ERC2: variants seen among roughly 807,000 people sequenced by gnomAD.
ERC2 encodes the protein ERC protein 2.
Under a neutral mutation model 114.8 loss-of-function variants are expected in ERC2, and 42 were observed. The observed-to-expected ratio is 0.37, with a 90% CI of 0.29 to 0.47. The LOEUF is 0.47. Among genes scored for constraint, ERC2 ranks in the 20% least tolerant of loss-of-function variants. The pLI, the probability that ERC2 is intolerant of heterozygous loss-of-function variation, is 0.99. For synonymous variants in ERC2, 454 were observed against 425.5 expected (o/e 1.07, Z -0.82); for missense variants, 939 against 1,150.7 (o/e 0.82, Z 2.66).
At chr3:55,673,811 T>G (rs1422224030) in intron 17 of ERC2, among the ~76,000 whole-genome samples, 1 of 150,480 alleles carries the variant, frequency 6.6e-6, no homozygotes, top group East Asian at 2.0e-4. Context: ...CAAGTTTTTT[T>G]TTTTTTTTTT....
At chr3:56,042,564 A>C (rs2075249713) in intron 7 of ERC2, among the ~76,000 whole-genome samples, 2 of 152,190 alleles carry the variant, frequency 1.3e-5, no homozygotes, top group Admixed American at 1.3e-4. Flanking sequence ...GAGATACTGC[A>C]CTATACAAGC....
At chr3:55,566,374 CAA>C (rs1164977925) in intron 17 of ERC2, among the ~76,000 whole-genome samples, 3 of 152,050 alleles carry the variant, frequency 2.0e-5, no homozygotes, top group Non-Finnish European at 4.4e-5. Context: ...AGTAATTATT[CAA>C]TGAATGCTTG....
At chr3:55,824,742 A>G (rs2060262277) in intron 14 of ERC2, among the ~76,000 whole-genome samples, 1 of 152,132 alleles carries the variant, frequency 6.6e-6, no homozygotes, top group Non-Finnish European at 1.5e-5. Flanking sequence ...GGGGCCCTGC[A>G]TTTTTAATAA....
chr3:56,285,026 CACACAT>C (rs878878880), intron 3 of ERC2, among the ~76,000 whole-genome samples: 103 of 111,480 alleles, frequency 9.2e-4, no homozygotes, highest in African/African-American at 2.7e-3. Flanking sequence ...CACACACACA[CACACAT>C]ACACACACAC....
chr3:55,963,492 A>C (rs1033639323), intron 12 of ERC2, among the ~76,000 whole-genome samples: 8 of 152,216 alleles, frequency 5.3e-5, no homozygotes, highest in Non-Finnish European at 8.8e-5. Flanking sequence ...CTGAGGACAG[A>C]GCTTCAGGAC....
intron 1 of ERC2, among the ~76,000 whole-genome samples, chr3:56,455,253 T>TA (rs1559525728): frequency 2.7e-5 from 4 of 150,616 alleles, no homozygotes; most frequent in East Asian, 1.9e-4. Context: ...AAAATAAATT[T>TA]AAAAAAAAGA....
chr3:56,146,146 GGC>G (rs765623318), intron 5 of ERC2, among the ~76,000 whole-genome samples: 1 of 152,010 alleles, frequency 6.6e-6, no homozygotes, highest in Non-Finnish European at 1.5e-5. Context: ...AAAAATAGCT[GGC>G]ATGGTGGTGT....
At chr3:55,928,079 A>C (rs1164458304) in intron 13 of ERC2, among the ~76,000 whole-genome samples, 3 of 152,142 alleles carry the variant, frequency 2.0e-5, no homozygotes, top group African/African-American at 7.2e-5. Flanking sequence ...AGTAGTGTAG[A>C]TATCTCTTTG....
At chr3:56,254,854 A>G (rs187003746) in intron 3 of ERC2, among the ~76,000 whole-genome samples, 79 of 152,356 alleles carry the variant, frequency 5.2e-4, no homozygotes, top group African/African-American at 1.6e-3. Context: ...AAAGAACATT[A>G]TATCTAACAC....
At chr3:56,311,247 CTCTCTCTCTA>C (rs1452988277) in intron 2 of ERC2, among the ~76,000 whole-genome samples, 7 of 34,720 alleles carry the variant, frequency 2.0e-4, no homozygotes, top group Admixed American at 1.2e-3. Flanking sequence ...CTCTCTCTCT[CTCTCTCTCTA>C]TATATATATA....
chr3:56,104,007 G>A (rs1019513114), intron 6 of ERC2, among the ~76,000 whole-genome samples: 4 of 152,206 alleles, frequency 2.6e-5, no homozygotes, highest in Non-Finnish European at 5.9e-5. Context: ...TAAACAACCA[G>A]TGAATATTTG....
At chr3:56,279,311 C>T (rs1334010318) in intron 3 of ERC2, among the ~76,000 whole-genome samples, 4 of 152,134 alleles carry the variant, frequency 2.6e-5, no homozygotes, top group African/African-American at 9.7e-5. Flanking sequence ...GTGGGAAAGG[C>T]AGTCAAGTAA....
At chr3:55,952,179 A>ATATATATATATATATAT (rs2067608452) in intron 12 of ERC2, among the ~76,000 whole-genome samples, 1 of 62,110 alleles carries the variant, frequency 1.6e-5, no homozygotes, top group East Asian at 4.2e-4. Flanking sequence ...ACACACACAC[A>ATATATATATATATATAT]CTCTCTCTCT....
At chr3:55,649,106 C>G (rs1260775535) in intron 17 of ERC2, among the ~76,000 whole-genome samples, 1 of 152,132 alleles carries the variant, frequency 6.6e-6, no homozygotes, top group Non-Finnish European at 1.5e-5. Context: ...CCCAAACATT[C>G]CAGAGACACC....
At chr3:55,576,758 G>A (rs2057003952) in intron 17 of ERC2, among the ~76,000 whole-genome samples, 1 of 152,222 alleles carries the variant, frequency 6.6e-6, no homozygotes. Context: ...CTCGTGCCTA[G>A]CCCCTCAGCT....
At chr3:56,248,972 C>T (rs2051917777) in intron 3 of ERC2, among the ~76,000 whole-genome samples, 2 of 152,156 alleles carry the variant, frequency 1.3e-5, no homozygotes, top group South Asian at 4.1e-4. Context: ...TTACAGAGGC[C>T]TGGAGGGGCT....
At chr3:56,344,423 G>A (rs945139281) in intron 2 of ERC2, among the ~76,000 whole-genome samples, 3 of 152,102 alleles carry the variant, frequency 2.0e-5, no homozygotes, top group Admixed American at 1.3e-4. Flanking sequence ...CACAATTACT[G>A]TAACGAAGTG....
intron 17 of ERC2, among the ~76,000 whole-genome samples, chr3:55,543,802 G>C (rs1327455393): frequency 6.6e-6 from 1 of 152,022 alleles, no homozygotes; most frequent in Non-Finnish European, 1.5e-5. Context: ...CTCTTCTCTG[G>C]TTCCTCGGAA....
intron 3 of ERC2, among the ~76,000 whole-genome samples, chr3:56,226,824 C>T (rs1299822977): frequency 6.6e-6 from 1 of 152,156 alleles, no homozygotes; most frequent in Non-Finnish European, 1.5e-5. Context: ...ACAGACTCAT[C>T]CAAACTCCCT....
Sources: gnomAD v4.1 joint callset for allele counts (sites outside exome capture counted in the v4.1 genomes callset) on GRCh38, gnomAD v4.1.1 for gene constraint, MANE v1.5 for transcripts, NCBI Gene and HGNC (gene_info 2026-07-23, HGNC 2026-07-21) for gene names.